The following GRM7 variants were observed in gnomAD, a reference collection of about 807,000 sequenced individuals.
The protein encoded by GRM7 is glutamate metabotropic receptor 7.
In GRM7, 35 loss-of-function variants were observed where a neutral mutation model predicts 84.5. The observed-to-expected ratio is 0.41, with a 90% confidence interval of 0.32 to 0.55. The LOEUF (loss-of-function observed/expected upper bound fraction) is 0.55, where lower values mean the gene tolerates loss of function less well. Ranked by LOEUF, GRM7 falls within the 20% of genes least tolerant of loss-of-function variation. GRM7 has a pLI of 0.19. For missense variants in GRM7, 1,003 were observed against 1,194.6 expected (o/e 0.84, Z 2.36); for synonymous variants, 487 against 455.1 (o/e 1.07, Z -0.89).
chr3:7,551,217 G>C (rs1347227344), intron 7 of GRM7, among the ~76,000 whole-genome samples: 2 of 152,144 alleles, frequency 1.3e-5, no homozygotes, highest in Admixed American at 1.3e-4. Flanking sequence ...TTTGTTTTCT[G>C]CTCAGGATAA....
At chr3:7,060,458 C>T (rs1697400526) in intron 1 of GRM7, among the ~76,000 whole-genome samples, 1 of 151,772 alleles carries the variant, frequency 6.6e-6, no homozygotes, top group East Asian at 1.9e-4. Flanking sequence ...TTACCATTCT[C>T]TACCTTCCCT....
At chr3:7,307,639 C>G (rs1700240945) in intron 4 of GRM7, among the ~76,000 whole-genome samples, 1 of 152,206 alleles carries the variant, frequency 6.6e-6, no homozygotes, top group South Asian at 2.1e-4. Context: ...TCATGAGTCA[C>G]CCATGTTTTC....
rs181719931 is a variant in GRM7, at chr3:7,426,851, A to T, written c.1174+11688A>T. ...TGGAACTACAAGTGGTTGTTGAGAA[A>T]CTACTAATTTTACTTTCCAGGCTTA... On this transcript the variant is annotated intron_variant, in intron 5 of 9. Coordinates refer to ENST00000357716, the MANE Select transcript of GRM7 (RefSeq NM_000844.4). 6.4e-4 allele frequency among the ~76,000 whole-genome samples: 98 copies of T among 152,298 alleles called. 1 individual carries two copies. Among genetic ancestry groups the T allele is most frequent in the African/African-American group, 2.2e-3 (90 of 41,564 alleles).
chr3:7,220,320 T>C (rs1307599018), intron 2 of GRM7, among the ~76,000 whole-genome samples: 1 of 152,210 alleles, frequency 6.6e-6, no homozygotes, highest in African/African-American at 2.4e-5. Context: ...TGATAAGTTA[T>C]GTTGATGCTA....
intron 8 of GRM7, among the ~76,000 whole-genome samples, chr3:7,608,333 T>A (rs62235194): frequency 0.023 from 3,538 of 152,218 alleles, 76 homozygotes; most frequent in Non-Finnish European, 0.038. Context: ...TAATTTACAC[T>A]CCCACCAACA....
chr3:6,877,787 TAC>T (rs1231908225), intron 1 of GRM7, among the ~76,000 whole-genome samples: 1 of 149,192 alleles, frequency 6.7e-6, no homozygotes, highest in Non-Finnish European at 1.5e-5. Context: ...AGGATATATA[TAC>T]ACATATACCT....
chr3:7,543,913 C>G (rs73116020), intron 7 of GRM7, among the ~76,000 whole-genome samples: 4 of 152,142 alleles, frequency 2.6e-5, no homozygotes, highest in Non-Finnish European at 5.9e-5. Flanking sequence ...TGAGCGTACT[C>G]CCTGGGCAAG....
chr3:7,373,501 A>T (rs1339136023), intron 4 of GRM7, among the ~76,000 whole-genome samples: 1 of 152,130 alleles, frequency 6.6e-6, no homozygotes, highest in Non-Finnish European at 1.5e-5. Context: ...TCCAGTTTGT[A>T]TTAAACTACA....
chr3:7,396,733 C>T (rs994761739), intron 4 of GRM7, among the ~76,000 whole-genome samples: 6 of 152,026 alleles, frequency 3.9e-5, no homozygotes, highest in Non-Finnish European at 7.4e-5. Flanking sequence ...TGCATAAACC[C>T]TCTTTGTGCA....
In GRM7 at chr3:7,728,211, C is replaced by T. The variant is rs968916155; in HGVS notation, c.2699-12146C>T. On this transcript the variant is annotated intron_variant, in intron 9 of 9. Transcript: ENST00000357716. ...AGAGGACATTGTTCCCAGACCGAAC[C>T]GGGTCTGGCTGTGTGTTCTTGTGGC... Among the ~76,000 whole-genome samples the T allele has an allele frequency of 3.9e-5, 6 of 152,174 alleles. 1 individual carries two copies. The highest frequency in any genetic ancestry group is 2.1e-4 in the South Asian group (1 of 4,822).
chr3:7,609,833 C>T (rs1055912779), intron 8 of GRM7, among the ~76,000 whole-genome samples: 1 of 152,162 alleles, frequency 6.6e-6, no homozygotes. Flanking sequence ...CCTACTTTGA[C>T]AACCACTCCT....
chr3:7,380,954 A>T (rs751708467), intron 4 of GRM7, among the ~76,000 whole-genome samples: 1 of 152,176 alleles, frequency 6.6e-6, no homozygotes, highest in South Asian at 2.1e-4. Context: ...TATAAAAGGA[A>T]GACCGTGTGT....
chr3:7,383,799 G>A (rs1575253955), intron 4 of GRM7, among the ~76,000 whole-genome samples: 1 of 151,978 alleles, frequency 6.6e-6, no homozygotes, highest in African/African-American at 2.4e-5. Context: ...ACCACCCTGG[G>A]GTATATGAAA....
At chr3:7,138,896 C>G (rs1303176149) in intron 1 of GRM7, among the ~76,000 whole-genome samples, 1 of 150,972 alleles carries the variant, frequency 6.6e-6, no homozygotes, top group African/African-American at 2.4e-5. Context: ...CTTAGCTGCT[C>G]ATTAAGACCC....
chr3:7,178,754 G>C (rs1202247886), intron 2 of GRM7, among the ~76,000 whole-genome samples: 1 of 151,842 alleles, frequency 6.6e-6, no homozygotes, highest in Non-Finnish European at 1.5e-5. Context: ...AGATAAGTAT[G>C]TTGGGTTTGT....
rs577779076 is a variant in GRM7, at chr3:7,467,335, C to T, written c.1515+5613C>T. Among the ~76,000 whole-genome samples, 48 of 152,292 alleles carry T rather than the reference C, an allele frequency of 3.2e-4. No homozygotes were observed. In the South Asian group the frequency reaches 7.5e-3, roughly 24 times the overall value. ...ATCTGCTGACCTTGTAATCAGTCCG[C>T]CTGAGCCTCCCAAAGTGCTGGGATT... On this transcript the variant is annotated intron_variant, in intron 7 of 9. Coordinates refer to ENST00000357716, the MANE Select transcript of GRM7 (RefSeq NM_000844.4).
At chr3:7,064,550 T>G (rs917406070) in intron 1 of GRM7, among the ~76,000 whole-genome samples, 45 of 46,986 alleles carry the variant, frequency 9.6e-4, no homozygotes, top group African/African-American at 4.8e-3. Context: ...CATGTATGGA[T>G]ATATATATAT....
At chr3:7,005,662 A>T (rs1348556075) in intron 1 of GRM7, among the ~76,000 whole-genome samples, 3 of 152,212 alleles carry the variant, frequency 2.0e-5, no homozygotes, top group African/African-American at 4.8e-5. Context: ...ATTGTTAGTA[A>T]GCCTCTTGCA....
At chr3:7,263,528 G>A (rs116690641) in intron 2 of GRM7, among the ~76,000 whole-genome samples, 1,900 of 152,264 alleles carry the variant, frequency 0.012, 45 homozygotes, top group African/African-American at 0.044. Flanking sequence ...GTGGCAACAC[G>A]GGTCAGGGGC....
Sources: allele counts gnomAD v4.1 joint callset (sites outside exome capture counted in the v4.1 genomes callset), GRCh38; gene constraint gnomAD v4.1.1; transcripts MANE v1.5; gene names NCBI Gene and HGNC (gene_info 2026-07-23, HGNC 2026-07-21).